STK32B: variants seen among roughly 807,000 people sequenced by gnomAD.
STK32B encodes the protein serine/threonine kinase 32B.
Under a neutral mutation model 52.6 loss-of-function variants are expected in STK32B, and 43 were observed. The ratio of observed to expected loss-of-function variants is 0.82; its 90% CI spans 0.64 to 1.05. The LOEUF (loss-of-function observed/expected upper bound fraction) is 1.05. Among genes scored for constraint, STK32B ranks in the 50% least tolerant of loss-of-function variants. The pLI is 0.00. For missense variants in STK32B, 621 were observed against 534.6 expected (o/e 1.16, Z -1.59); for synonymous variants, 238 against 204.3 (o/e 1.17, Z -1.41).
At chr4:5,098,063 A>G (rs542113823) in intron 1 of STK32B, among the ~76,000 whole-genome samples, 5 of 152,324 alleles carry the variant, frequency 3.3e-5, no homozygotes, top group African/African-American at 1.2e-4. Flanking sequence ...TTGGCCATAG[A>G]CAGTGGCAGG....
At chr4:5,357,046 TACAC>T (rs1386974266) in intron 4 of STK32B, among the ~76,000 whole-genome samples, 2 of 137,954 alleles carry the variant, frequency 1.4e-5, no homozygotes, top group Non-Finnish European at 3.0e-5. Flanking sequence ...CACACATATA[TACAC>T]ACACACATAT....
the STK32B span, among the ~76,000 whole-genome samples, chr4:5,031,748 T>C: frequency 2.0e-5 from 3 of 152,260 alleles, no homozygotes; most frequent in African/African-American, 7.2e-5. Flanking sequence ...CATGGGCAGG[T>C]CGGGGTCCCA....
chr4:5,155,636 G>T (rs7686605), intron 2 of STK32B, among the ~76,000 whole-genome samples: 1 of 151,920 alleles, frequency 6.6e-6, no homozygotes, highest in African/African-American at 2.4e-5. Flanking sequence ...TCCTGGGGGC[G>T]GTTTCCCCCA....
chr4:5,368,564 A>T lies in STK32B; in HGVS notation c.435-29643A>T, dbSNP rs183091046. On this transcript the variant is annotated intron_variant, in intron 4 of 11. Coordinates refer to ENST00000282908, the MANE Select transcript of STK32B (RefSeq NM_018401.3). ...TTCCTAATTATAAATGAGAGCACTCAGGTACAGAGAGGCACTGCAATGTGC... is the reference window on the plus strand; with the variant it reads ...TTCCTAATTATAAATGAGAGCACTCTGGTACAGAGAGGCACTGCAATGTGC... Among the ~76,000 whole-genome samples the T allele has an allele frequency of 2.0e-5, 3 of 152,370 alleles. No homozygotes were observed. The East Asian group carries it at 5.8e-4, about 29-fold the overall frequency.
At chr4:5,143,337 C>G (rs1716650788) in intron 2 of STK32B, among the ~76,000 whole-genome samples, 1 of 152,134 alleles carries the variant, frequency 6.6e-6, no homozygotes, top group South Asian at 2.1e-4. Flanking sequence ...CTCCTTGGTG[C>G]TTTTGACTCT....
chr4:5,211,218 T>C (rs1722884413), intron 3 of STK32B, among the ~76,000 whole-genome samples: 1 of 152,168 alleles, frequency 6.6e-6, no homozygotes, highest in Non-Finnish European at 1.5e-5. Flanking sequence ...ACCAAACTTA[T>C]TTGTCTATTA....
intron 9 of STK32B, among the ~76,000 whole-genome samples, chr4:5,463,847 A>T (rs3821922): frequency 6.6e-6 from 1 of 152,138 alleles, no homozygotes; most frequent in African/African-American, 2.4e-5. Context: ...TCAAGACAGC[A>T]TAAAGCAAGG....
At chr4:5,475,022 A>G (rs1314738477) in intron 11 of STK32B, among the ~76,000 whole-genome samples, 1 of 152,122 alleles carries the variant, frequency 6.6e-6, no homozygotes, top group African/African-American at 2.4e-5. Flanking sequence ...CAGCGGGAGG[A>G]ATTCCAGCCA....
At chr4:5,329,933 G>C (rs1187879689) in intron 3 of STK32B, among the ~76,000 whole-genome samples, 2 of 152,148 alleles carry the variant, frequency 1.3e-5, no homozygotes, top group African/African-American at 2.4e-5. Flanking sequence ...TGGTTCTGTT[G>C]CCTGTCCTGG....
intron 3 of STK32B, among the ~76,000 whole-genome samples, chr4:5,247,839 A>G (rs557687719): frequency 6.6e-6 from 1 of 151,758 alleles, no homozygotes; most frequent in South Asian, 2.1e-4. Flanking sequence ...ATACTGCCCT[A>G]TGTCTGAGTC....
At chr4:5,023,296 T>C in the STK32B span, among the ~76,000 whole-genome samples, 1 of 152,190 alleles carries the variant, frequency 6.6e-6, no homozygotes, top group Non-Finnish European at 1.5e-5. Flanking sequence ...AAGCATACTG[T>C]CTCTCTGGGG....
At chr4:5,096,965 A>G (rs1484463593) in intron 1 of STK32B, among the ~76,000 whole-genome samples, 1 of 152,168 alleles carries the variant, frequency 6.6e-6, no homozygotes, top group African/African-American at 2.4e-5. Flanking sequence ...AGGTAAGACT[A>G]TTTATTCTTC....
At chr4:5,241,661 G>C (rs1220484077) in intron 3 of STK32B, among the ~76,000 whole-genome samples, 1 of 151,720 alleles carries the variant, frequency 6.6e-6, no homozygotes, top group Non-Finnish European at 1.5e-5. Context: ...GTGCCATGTT[G>C]GTGTGCTGCA....
intron 1 of STK32B, among the ~76,000 whole-genome samples, chr4:5,130,538 G>A (rs1353943694): frequency 6.6e-6 from 1 of 152,084 alleles, no homozygotes; most frequent in East Asian, 1.9e-4. Flanking sequence ...CAGCACCCTG[G>A]AACCAATAGG....
At chr4:5,483,680 A>C (rs547460447) in intron 11 of STK32B, among the ~76,000 whole-genome samples, 1 of 152,084 alleles carries the variant, frequency 6.6e-6, no homozygotes, top group East Asian at 1.9e-4. Context: ...TTGTGATGTT[A>C]GGGTATCAAT....
chr4:5,122,546 TACTCACTCATTC>T (rs1715114278), intron 1 of STK32B, among the ~76,000 whole-genome samples: 1 of 148,528 alleles, frequency 6.7e-6, no homozygotes, highest in African/African-American at 2.6e-5. Context: ...CTCATTCTTT[TACTCACTCATTC>T]ACTCACTCAC....
the STK32B span, among the ~76,000 whole-genome samples, chr4:5,025,033 T>G: frequency 6.6e-6 from 1 of 152,164 alleles, no homozygotes; most frequent in Non-Finnish European, 1.5e-5. Flanking sequence ...CCTGGCACCT[T>G]CATTCGTGGG....
At position 5,238,167 on chromosome 4, in the gene STK32B, C is replaced by T. The variant is rs547586513; in HGVS notation, c.260+69717C>T. On this transcript the variant is annotated intron_variant, in intron 3 of 11. Transcript: ENST00000282908. ...CTTCAAATAACAGAAATTATGGATTCGCTCACGGTTCTGGAGACCAGAAGT... is the reference window on the plus strand; with the variant it reads ...CTTCAAATAACAGAAATTATGGATTTGCTCACGGTTCTGGAGACCAGAAGT... Among the ~76,000 whole-genome samples the T allele has an allele frequency of 6.6e-5, 10 of 152,216 alleles. No homozygotes were observed. In the South Asian group the frequency reaches 1.7e-3, roughly 25 times the overall value.
At chr4:5,094,156 T>C (rs1353998260) in intron 1 of STK32B, among the ~76,000 whole-genome samples, 2 of 152,102 alleles carry the variant, frequency 1.3e-5, no homozygotes, top group African/African-American at 2.4e-5. Context: ...GGCATACCCA[T>C]AGAGTGTAAT....
Sources: gnomAD v4.1 joint callset for allele counts (sites outside exome capture counted in the v4.1 genomes callset) on GRCh38, gnomAD v4.1.1 for gene constraint, MANE v1.5 for transcripts, NCBI Gene and HGNC (gene_info 2026-07-23, HGNC 2026-07-21) for gene names.